Variants in ST14 observed in about 807,000 individuals in gnomAD.
ST14 encodes the protein ST14 transmembrane serine protease matriptase.
In ST14, 40 loss-of-function variants were observed where a neutral mutation model predicts 96.5. The ratio of observed to expected loss-of-function variants is 0.41; its 90% CI spans 0.32 to 0.54. The LOEUF (loss-of-function observed/expected upper bound fraction) is 0.54. ST14 is among the 20% of genes least tolerant of loss of function. The probability of loss-of-function intolerance (pLI) is 0.17; values close to 1 mark genes in which losing one functional copy is unlikely to be tolerated. For missense variants in ST14, 1,066 were observed against 1,188.9 expected, an observed-to-expected ratio of 0.90 and a Z score of 1.52; for synonymous variants, 506 against 492.1, an observed-to-expected ratio of 1.03 and a Z score of -0.37.
At chr11:130,167,718 AT>A (rs969992252) in intron 1 of ST14, among the ~76,000 whole-genome samples, 120 of 145,678 alleles carry the variant, frequency 8.2e-4, no homozygotes, top group Admixed American at 2.3e-3. Flanking sequence ...AGGAGTGACT[AT>A]TTTTTTTTTT....
chr11:130,171,366 T>A (rs1472314859), intron 1 of ST14, among the ~76,000 whole-genome samples: 1 of 152,258 alleles, frequency 6.6e-6, no homozygotes, highest in Non-Finnish European at 1.5e-5. Flanking sequence ...GACCACCTTT[T>A]GTGTATCCAT....
intron 9 of ST14, among the ~76,000 whole-genome samples, chr11:130,195,904 C>A (rs1235078145): frequency 2.0e-5 from 3 of 151,052 alleles, no homozygotes; most frequent in Non-Finnish European, 2.9e-5. Context: ...TGCCTGTAAT[C>A]CCAGCACTTT....
chr11:130,196,657 C>A lies in ST14; in HGVS notation c.1311C>A (p.Asp437Glu), dbSNP rs1225895340. The change falls in exon 11 of 19, where the codon GAC (aspartate) becomes GAA (glutamate). Residue 437 changes from aspartate to glutamate, a missense_variant. Transcript: ENST00000278742. Reference sequence around the variant, plus strand: ...TCCACTCAGATCAGTCCTACACCGACACCGGCTTCTTAGCTGAATACCTCT... The same window carrying A: ...TCCACTCAGATCAGTCCTACACCGAAACCGGCTTCTTAGCTGAATACCTCT... ...VRFHSDQSYT[D>E]TGFLAEYLSY... 1.2e-6 allele frequency: 2 copies of A among 1,614,108 alleles called. No individual in the cohort carries two copies. Among genetic ancestry groups the A allele is most frequent in the African/African-American group, 2.7e-5 (2 of 74,922 alleles).
intron 1 of ST14, among the ~76,000 whole-genome samples, chr11:130,163,744 C>G (rs1953017708): frequency 6.6e-6 from 1 of 152,152 alleles, no homozygotes; most frequent in African/African-American, 2.4e-5. Flanking sequence ...TTCCCTCTGC[C>G]TTGGTCCTGA....
intron 7 of ST14, among the ~76,000 whole-genome samples, chr11:130,193,423 G>C (rs1016260955): frequency 4.6e-5 from 7 of 151,182 alleles, no homozygotes; most frequent in Non-Finnish European, 8.8e-5. Context: ...TGAGCCCACA[G>C]TTTATTTAAT....
chr11:130,165,509 T>C (rs2136201141), intron 1 of ST14, among the ~76,000 whole-genome samples: 1 of 152,218 alleles, frequency 6.6e-6, no homozygotes, highest in East Asian at 1.9e-4. Flanking sequence ...CAGATGCTCA[T>C]ATTTTCAAAA....
At chr11:130,199,399 AC>A (rs1263440579) in intron 15 of ST14, among the ~76,000 whole-genome samples, 20 of 152,134 alleles carry the variant, frequency 1.3e-4, no homozygotes, top group African/African-American at 4.8e-4. Context: ...GGCCCAGCTC[AC>A]CCAAGCCCAA....
chr11:130,179,302 C>T (rs1011247378), intron 1 of ST14, among the ~76,000 whole-genome samples: 1 of 152,168 alleles, frequency 6.6e-6, no homozygotes, highest in Non-Finnish European at 1.5e-5. Flanking sequence ...TTTTTCATGA[C>T]CAGACAAGTC....
chr11:130,187,997 C>T lies in ST14; in HGVS notation c.82-117C>T. ...CTGGGGGAAGCCCCCTTCTTCTCACCCAAGCCCCTGCTTTCTTCTCCAAGC... is the reference window on the plus strand; with the variant it reads ...CTGGGGGAAGCCCCCTTCTTCTCACTCAAGCCCCTGCTTTCTTCTCCAAGC... On this transcript the variant is annotated intron_variant, in intron 1 of 18. Transcript: ENST00000278742. The surrounding 1 kb of genome is among the most constrained non-coding windows in gnomAD (Gnocchi z 4.5). 2 of 1,438,658 alleles carry T rather than the reference C, an allele frequency of 1.4e-6. No individual in the cohort carries two copies. Among genetic ancestry groups the T allele is most frequent in the East Asian group, 2.5e-5 (1 of 40,374 alleles). 89.1% of individuals were successfully genotyped at this position (1,438,658 alleles called of 1,614,324 possible).
Position 130,194,729 on chromosome 11 carries a change from A to T in ST14, c.1105A>T (p.Asn369Tyr), listed in dbSNP as rs982557384. 6.2e-7 allele frequency: 1 copy of T among 1,614,002 alleles called. No individual in the cohort carries two copies. The highest frequency in any genetic ancestry group is 1.3e-5 in the African/African-American group (1 of 74,912). Residue 369 changes from asparagine (N) to tyrosine (Y), a missense_variant, in exon 9 of 19, where the codon AAC (asparagine) becomes TAC (tyrosine). Coordinates refer to ENST00000278742, the MANE Select transcript of ST14 (RefSeq NM_021978.4). ...CCCACCCAACATTGACTGCACATGG[A>T]ACATTGAGGTAGGAGCTATGGGGCG... is the stretch of plus-strand genomic sequence containing the variant. Reference protein sequence around the residue: ...HYPPNIDCTWNIEVPNNQHVK... With the variant: ...HYPPNIDCTWYIEVPNNQHVK...
At chr11:130,171,339 C>A (rs7111335) in intron 1 of ST14, among the ~76,000 whole-genome samples, 7,472 of 152,220 alleles carry the variant, frequency 0.049, 533 homozygotes, top group African/African-American at 0.16. Flanking sequence ...AATACAAGAT[C>A]TCTTATTGAA....
rs770308361 is a variant in ST14 at position 130,194,774 on chromosome 11, G to T, written c.1113+37G>T. The T allele has an allele frequency of 3.1e-6, 5 of 1,598,988 alleles. No homozygotes were observed. The South Asian group carries it at 5.5e-5, about 18-fold the overall frequency. On this transcript the variant is annotated intron_variant, in intron 9 of 18. Coordinates refer to ENST00000278742, the MANE Select transcript of ST14 (RefSeq NM_021978.4). Reference sequence around the variant, plus strand: ...GGGGCGTGTGAACGTGTGTGTGTGTGAGCATGTATGTGCACGTGTGTGTGT... The same window carrying T: ...GGGGCGTGTGAACGTGTGTGTGTGTTAGCATGTATGTGCACGTGTGTGTGT...
intron 15 of ST14, 50 bp from the exon 16 acceptor site, chr11:130,199,901 G>C (rs760343180): frequency 6.2e-7 from 1 of 1,610,154 alleles, no homozygotes; most frequent in Non-Finnish European, 8.5e-7. Context: ...CTTGTGGTTT[G>C]ATGTCCCCAC....
At chr11:130,161,063 G>C (rs1443900057) in intron 1 of ST14, among the ~76,000 whole-genome samples, 1 of 152,162 alleles carries the variant, frequency 6.6e-6, no homozygotes, top group African/African-American at 2.4e-5. Context: ...CCTAAGTCAG[G>C]CCTGATTTTG....
Position 130,190,157 on chromosome 11 carries a change from C to T in ST14, c.634+9C>T, listed in dbSNP as rs751195663. 131 of 1,614,090 alleles carry T rather than the reference C, an allele frequency of 8.1e-5. No homozygotes were observed. In the Middle Eastern group the frequency reaches 9.9e-4, roughly 12 times the overall value. On this transcript the variant is annotated intron_variant, in intron 6 of 18. Transcript: ENST00000278742. Reference sequence around the variant, plus strand: ...ACAGAGGACCCAGGACAGTAAGTATCGTGCCCGCCTCCTCTTCTGGGTGGG... The same window carrying T: ...ACAGAGGACCCAGGACAGTAAGTATTGTGCCCGCCTCCTCTTCTGGGTGGG...
At chr11:130,174,395 C>T (rs1953118235) in intron 1 of ST14, among the ~76,000 whole-genome samples, 1 of 152,070 alleles carries the variant, frequency 6.6e-6, no homozygotes, top group Non-Finnish European at 1.5e-5. Context: ...TTATCAAAAA[C>T]CCAGATAGCT....
At chr11:130,200,209 T>C (rs1452176407) in intron 16 of ST14, 72 bp downstream of exon 16, 64 of 1,575,132 alleles carry the variant, frequency 4.1e-5, no homozygotes, top group Middle Eastern at 1.7e-4. Context: ...CCAGGATAGG[T>C]TGGCACCGAG....
chr11:130,161,609 ACTTGT>A (rs1479847391), intron 1 of ST14, among the ~76,000 whole-genome samples: 1 of 152,072 alleles, frequency 6.6e-6, no homozygotes, highest in Non-Finnish European at 1.5e-5. Context: ...CATTCAGCGG[ACTTGT>A]CTTGTCACCT....
intron 15 of ST14, among the ~76,000 whole-genome samples, chr11:130,199,577 C>T (rs753289803): frequency 5.3e-5 from 8 of 152,186 alleles, no homozygotes; most frequent in Non-Finnish European, 1.2e-4. Context: ...TTCAAAGGCG[C>T]TTCTCCCTGC....
Sources: allele counts gnomAD v4.1 joint callset (sites outside exome capture counted in the v4.1 genomes callset), GRCh38; gene constraint gnomAD v4.1.1; non-coding constraint Gnocchi (gnomAD v3.1); transcripts MANE v1.5; gene names NCBI Gene and HGNC (gene_info 2026-07-23, HGNC 2026-07-21).